CCDC157: variants seen among roughly 807,000 people sequenced by gnomAD.
CCDC157 encodes the protein coiled-coil domain containing 157.
In CCDC157, 60 loss-of-function variants were observed where a neutral mutation model predicts 70.9. The observed-to-expected ratio is 0.85, with a 90% CI of 0.69 to 1.05. The LOEUF is 1.05. Among genes scored for constraint, CCDC157 ranks in the 50% least tolerant of loss-of-function variants. The pLI is 0.00. For synonymous variants in CCDC157, 373 were observed against 422.4 expected (o/e 0.88, Z 1.43); for missense variants, 943 against 984.2 (o/e 0.96, Z 0.56).
At position 30,370,558 on chromosome 22, in the gene CCDC157, T is replaced by A; in HGVS notation, c.653T>A (p.Leu218Gln). ...CACTCCCAGACCATTGAGACGGCCC[T>A]GGTGCCCTGTGACGCATGCGCCAGC... ...SVHSQTIETALVPCDACASVQ... is the reference protein window; with the variant it reads ...SVHSQTIETAQVPCDACASVQ... Residue 218 changes from leucine (L) to glutamine (Q), a missense_variant, in exon 5 of 12, where the codon CTG becomes CAG. Coordinates refer to ENST00000338306, the MANE Select transcript of CCDC157 (RefSeq NM_001017437.5). 2 of 1,614,062 alleles carry A rather than the reference T, an allele frequency of 1.2e-6. No individual in the cohort carries two copies. The highest frequency in any genetic ancestry group is 2.2e-5 in the South Asian group (2 of 91,084).
At chr22:30,361,128 G>A (rs554233046) in intron 1 of CCDC157, among the ~76,000 whole-genome samples, 1 of 151,794 alleles carries the variant, frequency 6.6e-6, no homozygotes, top group South Asian at 2.1e-4. Context: ...TGCACCTGTA[G>A]TCCCAGCTAC....
Position 30,373,702 on chromosome 22 carries a change from C to T in CCDC157, c.1441C>T (p.Arg481Cys), listed in dbSNP as rs374365871. The T allele has an allele frequency of 3.1e-5, 48 of 1,552,986 alleles. No homozygotes were observed. Among genetic ancestry groups the T allele is most frequent in the East Asian group, 4.8e-5 (2 of 41,384 alleles). Residue 481 changes from arginine to cysteine, a missense_variant, in exon 8 of 12, where the codon CGC becomes TGC. Physicochemically the swap from Arg to Cys is radical, Grantham distance 180 (BLOSUM62 -3). Coordinates refer to ENST00000338306, the MANE Select transcript of CCDC157 (RefSeq NM_001017437.5). Reference protein sequence around the residue: ...SLDEAEAQRARVEEQLQSERE... With the variant: ...SLDEAEAQRACVEEQLQSERE... ...GGACGAGGCTGAGGCCCAGCGGGCCCGCGTGGAGGAGCAGCTGCAGAGCGA... is the reference window on the plus strand; with the variant it reads ...GGACGAGGCTGAGGCCCAGCGGGCCTGCGTGGAGGAGCAGCTGCAGAGCGA...
At chr22:30,369,335 C>A in intron 3 of CCDC157, 97 bp from the exon 4 acceptor site, 1 of 1,121,468 alleles carries the variant, frequency 8.9e-7, no homozygotes, top group Non-Finnish European at 1.2e-6. Context: ...GCTCTTGATG[C>A]CTGGGCCAGT....
intron 6 of CCDC157, 52 bp downstream of exon 6, chr22:30,371,779 G>A: frequency 6.9e-7 from 1 of 1,458,226 alleles, no homozygotes. Context: ...CAGGGGTGTG[G>A]CTGGATGAGC....
intron 2 of CCDC157, among the ~76,000 whole-genome samples, chr22:30,363,509 A>G (rs1932493756): frequency 6.6e-6 from 1 of 152,044 alleles, no homozygotes; most frequent in African/African-American, 2.4e-5. Context: ...CAATGTCCCC[A>G]TCTTACAGCT....
chr22:30,357,376 T>C (rs370847142), intron 1 of CCDC157, among the ~76,000 whole-genome samples: 1 of 152,186 alleles, frequency 6.6e-6, no homozygotes, highest in African/African-American at 2.4e-5. Flanking sequence ...TTCCAAATCC[T>C]ACGCCCTTAA....
chr22:30,361,233 GC>G (rs1199027354), intron 1 of CCDC157, among the ~76,000 whole-genome samples: 1 of 132,760 alleles, frequency 7.5e-6, no homozygotes, highest in Non-Finnish European at 1.6e-5. Context: ...GGGTGACAGA[GC>G]AAGACTCTGT....
chr22:30,361,210 T>C (rs1932316704), intron 1 of CCDC157, among the ~76,000 whole-genome samples: 1 of 145,454 alleles, frequency 6.9e-6, no homozygotes, highest in East Asian at 2.0e-4. Context: ...ATTGTGCCAC[T>C]GTACTCCAGC....
chr22:30,374,136 C>A, intron 9 of CCDC157, 45 bp downstream of exon 9: 1 of 1,549,614 alleles, frequency 6.5e-7, no homozygotes. Context: ...GGGCTCAGGG[C>A]CAGCAGCTGA....
In CCDC157 at chr22:30,375,476, C is replaced by A. The variant is rs766594018; in HGVS notation, c.1673-3C>A. The A allele has an allele frequency of 2.5e-6, 4 of 1,613,952 alleles. No homozygotes were observed. The highest frequency in any genetic ancestry group is 3.4e-6 in the Non-Finnish European group (4 of 1,179,986). ...TTCTAAGGTCCTGTCCCATTGGGCA[C>A]AGGAGGCAGATCCAGCAGCGTGGAA... On this transcript the variant is annotated splice_polypyrimidine_tract_variant and splice_region_variant and intron_variant, in intron 9 of 11. Coordinates refer to ENST00000338306, the MANE Select transcript of CCDC157 (RefSeq NM_001017437.5).
intron 4 of CCDC157, 167 bp downstream of exon 4, chr22:30,369,770 G>C: frequency 1.8e-6 from 1 of 550,884 alleles, no homozygotes; most frequent in Non-Finnish European, 3.0e-6. Context: ...CAGTGTGGCG[G>C]TTAAGAACGC....
At chr22:30,375,298 A>G (rs1479217517) in intron 9 of CCDC157, 181 bp from the exon 10 acceptor site, 1 of 599,086 alleles carries the variant, frequency 1.7e-6, no homozygotes, top group African/African-American at 1.9e-5. Context: ...CCCAGCTCTC[A>G]GATTTTATAA....
chr22:30,360,243 C>G (rs755878770), intron 1 of CCDC157, among the ~76,000 whole-genome samples: 8 of 152,234 alleles, frequency 5.3e-5, no homozygotes, highest in Non-Finnish European at 1.0e-4. Flanking sequence ...GTGGCTCACG[C>G]CTGTAATCCC....
rs368589292 is a variant in CCDC157 at position 30,373,703 on chromosome 22, G to T, written c.1442G>T (p.Arg481Leu). The T allele has an allele frequency of 6.4e-7, 1 of 1,552,914 alleles. No individual in the cohort carries two copies. Among genetic ancestry groups the T allele is most frequent in the African/African-American group, 1.4e-5 (1 of 73,248 alleles). The change falls in exon 8 of 12, where the codon CGC becomes CTC. Residue 481 changes from arginine to leucine, a missense_variant. Transcript: ENST00000338306. ...GACGAGGCTGAGGCCCAGCGGGCCC[G>T]CGTGGAGGAGCAGCTGCAGAGCGAG... The part of the protein sequence containing the change: ...SLDEAEAQRA[R>L]VEEQLQSERE...
intron 3 of CCDC157, among the ~76,000 whole-genome samples, chr22:30,367,329 G>A (rs919476491): frequency 4.6e-5 from 7 of 151,794 alleles, no homozygotes; most frequent in Admixed American, 6.6e-5. Flanking sequence ...TCCACCTCCT[G>A]GGTTCAAGAG....
chr22:30,377,226 T>C lies in CCDC157; in HGVS notation c.*481T>C, dbSNP rs1255589468. ...TCCCACCCTGGCTCTGGACCTGCGC[T>C]GGGCACATTAAGGACCCAAGAGGTC... On this transcript the variant is annotated 3_prime_UTR_variant, in exon 12 of 12. Coordinates refer to ENST00000338306, the MANE Select transcript of CCDC157 (RefSeq NM_001017437.5). 5.7e-6 allele frequency: 1 copy of C among 175,270 alleles called. No homozygotes were observed. The highest frequency in any genetic ancestry group is 2.3e-5 in the African/African-American group (1 of 42,562). 10.9% of individuals were successfully genotyped at this position (175,270 alleles called of 1,614,324 possible).
Position 30,376,714 on chromosome 22 carries a change from C to G in CCDC157, c.2228C>G (p.Ser743Cys). 6.2e-7 allele frequency: 1 copy of G among 1,613,136 alleles called. No homozygotes were observed. The highest frequency in any genetic ancestry group is 8.5e-7 in the Non-Finnish European group (1 of 1,179,922). Residue 743 changes from serine to cysteine, a missense_variant, in exon 12 of 12, where the codon TCT (serine) becomes TGT (cysteine). Transcript: ENST00000338306. ...TCACCTGGCCGGGGACAGGCCAGCT[C>G]TGCACACCAGCCCCAGGAGCGGCCC... Reference protein sequence around the residue: ...RLSPGRGQASSAHQPQERPM With the variant: ...RLSPGRGQASCAHQPQERPM
Position 30,370,957 on chromosome 22 carries a change from G to A in CCDC157, c.1045+7G>A. ...AAACAGCAGCTGCTCACAGGTCTGT[G>A]CCCCAGAGGCCAGACGCCTGGTGCC... On this transcript the variant is annotated splice_region_variant and intron_variant, in intron 5 of 11. Coordinates refer to ENST00000338306, the MANE Select transcript of CCDC157 (RefSeq NM_001017437.5). 1 of 1,601,698 alleles carries A rather than the reference G, an allele frequency of 6.2e-7. No individual in the cohort carries two copies. Among genetic ancestry groups the A allele is most frequent in the Non-Finnish European group, 8.5e-7 (1 of 1,174,598 alleles).
intron 10 of CCDC157, chr22:30,375,982 G>C (rs1674694043): frequency 1.5e-5 from 8 of 532,204 alleles, no homozygotes; most frequent in Non-Finnish European, 2.6e-5. Context: ...GAGCCCAGGA[G>C]TTTGAGACCA....
Sources: gnomAD v4.1 joint callset for allele counts (sites outside exome capture counted in the v4.1 genomes callset) on GRCh38, gnomAD v4.1.1 for gene constraint, MANE v1.5 for transcripts, NCBI Gene and HGNC (gene_info 2026-07-23, HGNC 2026-07-21) for gene names.